The following PSMD11 variants were observed in gnomAD, a reference collection of about 807,000 sequenced individuals.
PSMD11 encodes proteasome 26S subunit, non-ATPase 11, also known as 26S proteasome non-ATPase regulatory subunit 11.
PSMD11 carries 5 observed loss-of-function variants against 62.3 expected under a neutral mutation model. The ratio of observed to expected loss-of-function variants is 0.08; its 90% confidence interval spans 0.04 to 0.17. The LOEUF (loss-of-function observed/expected upper bound fraction) is 0.17. Among genes scored for constraint, PSMD11 ranks in the 10% least tolerant of loss-of-function variants. The pLI is 1.00. For missense variants in PSMD11, 310 were observed against 512.9 expected (o/e 0.60, Z 3.82); for synonymous variants, 191 against 191.8 (o/e 1.00, Z 0.03).
chr17:32,464,226 C>T (rs937072773), intron 4 of PSMD11, 106 bp downstream of exon 4: 3 of 1,056,084 alleles, frequency 2.8e-6, no homozygotes, highest in Middle Eastern at 2.1e-4. Flanking sequence ...TTTGTAATTA[C>T]CTAGATACCG....
At chr17:32,469,257 G>A in intron 6 of PSMD11, 64 bp downstream of exon 6, 3 of 1,507,964 alleles carry the variant, frequency 2.0e-6, no homozygotes, top group African/African-American at 1.4e-5. Flanking sequence ...ATAGGTGGAA[G>A]GAATGGGGGT....
intron 1 of PSMD11, chr17:32,444,876 C>T (rs919984224): frequency 1.9e-6 from 1 of 527,648 alleles, no homozygotes; most frequent in Non-Finnish European, 3.3e-6. Flanking sequence ...GAGAGTGGGC[C>T]GAGCCGGGCC....
At chr17:32,445,090 T>C (rs1420336547) in intron 1 of PSMD11, 1 of 158,204 alleles carries the variant, frequency 6.3e-6, no homozygotes, top group African/African-American at 2.4e-5. Context: ...GAGCGCTTGC[T>C]CTTCTCTGGG....
intron 1 of PSMD11, 143 bp from the exon 2 acceptor site, chr17:32,446,802 G>C (rs1907344109): frequency 1.9e-6 from 1 of 538,162 alleles, no homozygotes; most frequent in Non-Finnish European, 3.2e-6. Context: ...TCCTGGCTTA[G>C]AGTTTTTTTT....
At chr17:32,450,439 T>TC (rs1907458775) in intron 2 of PSMD11, among the ~76,000 whole-genome samples, 1 of 149,926 alleles carries the variant, frequency 6.7e-6, no homozygotes, top group Non-Finnish European at 1.5e-5. Flanking sequence ...TTTTTTTTTT[T>TC]TTCTTTTAGT....
Position 32,469,052 on chromosome 17 carries a change from G to A in PSMD11, c.502G>A (p.Glu168Lys). 6.2e-7 allele frequency: 1 copy of A among 1,614,064 alleles called. No individual in the cohort carries two copies. The highest frequency in any genetic ancestry group is 1.3e-5 in the African/African-American group (1 of 75,018). Residue 168 changes from glutamate to lysine, a missense_variant, in exon 6 of 14, where the codon GAA (glutamate) becomes AAA (lysine). Physicochemically the swap from Glu to Lys is moderately conservative, Grantham distance 56. Transcript: ENST00000261712. ...GATGGACGACAAAGCTCTTTTGGTG[G>A]AAGTACAGCTTTTAGAAAGCAAAAC... ...KKMDDKALLV[E>K]VQLLESKTYH... is the part of the protein sequence containing the mutation.
At chr17:32,448,024 G>C (rs908190528) in intron 2 of PSMD11, among the ~76,000 whole-genome samples, 7 of 151,772 alleles carry the variant, frequency 4.6e-5, no homozygotes, top group African/African-American at 1.7e-4. Context: ...GGAATTACAG[G>C]CACGCGCCAC....
chr17:32,467,723 T>C (rs533452794), intron 5 of PSMD11, among the ~76,000 whole-genome samples: 1 of 152,354 alleles, frequency 6.6e-6, no homozygotes, highest in African/African-American at 2.4e-5. Flanking sequence ...GCAATCCTCC[T>C]GCCTCAGTCT....
intron 5 of PSMD11, among the ~76,000 whole-genome samples, chr17:32,467,666 C>G (rs998254869): frequency 6.6e-6 from 1 of 152,182 alleles, no homozygotes; most frequent in African/African-American, 2.4e-5. Flanking sequence ...GGATGGAGTA[C>G]AGTGGTGCAG....
intron 2 of PSMD11, among the ~76,000 whole-genome samples, chr17:32,454,078 A>G (rs1221395901): frequency 6.6e-6 from 1 of 152,202 alleles, no homozygotes; most frequent in Non-Finnish European, 1.5e-5. Flanking sequence ...TGGAAGTTAG[A>G]AAAAAATTAC....
At chr17:32,472,527 A>C (rs1908193759) in intron 6 of PSMD11, among the ~76,000 whole-genome samples, 1 of 148,852 alleles carries the variant, frequency 6.7e-6, no homozygotes, top group African/African-American at 2.5e-5. Flanking sequence ...GACGTGAGCC[A>C]CTGTGCCTGA....
chr17:32,465,469 A>G (rs1048012975), intron 5 of PSMD11, among the ~76,000 whole-genome samples: 1 of 152,112 alleles, frequency 6.6e-6, no homozygotes, highest in South Asian at 2.1e-4. Context: ...ACAAAAGAAC[A>G]TGGCTCTTAT....
At chr17:32,468,250 T>C (rs1235374019) in intron 5 of PSMD11, among the ~76,000 whole-genome samples, 3 of 152,128 alleles carry the variant, frequency 2.0e-5, no homozygotes, top group African/African-American at 7.2e-5. Flanking sequence ...CCTTACCAGA[T>C]ACATGATTTG....
rs566270742 is a variant in PSMD11, at chr17:32,455,664, C to A, written c.318+1045C>A. Reference sequence around the variant, plus strand: ...TCCTGATTTAAACACTATATACTAACTTTATTTGTAGAAAATTCATTTGTA... The same window carrying A: ...TCCTGATTTAAACACTATATACTAAATTTATTTGTAGAAAATTCATTTGTA... On this transcript the variant is annotated intron_variant, in intron 3 of 13. Transcript: ENST00000261712. 3.9e-5 allele frequency among the ~76,000 whole-genome samples: 6 copies of A among 152,222 alleles called. No individual in the cohort carries two copies. In the South Asian group the frequency reaches 1.2e-3, roughly 32 times the overall value.
chr17:32,455,544 A>G (rs929916757), intron 3 of PSMD11, among the ~76,000 whole-genome samples: 6 of 152,228 alleles, frequency 3.9e-5, no homozygotes, highest in Non-Finnish European at 8.8e-5. Context: ...CCATAGTAGC[A>G]TATTGAATAA....
At chr17:32,452,584 C>T (rs979192267) in intron 2 of PSMD11, among the ~76,000 whole-genome samples, 1 of 152,008 alleles carries the variant, frequency 6.6e-6, no homozygotes, top group Non-Finnish European at 1.5e-5. Flanking sequence ...AATTCAGTTG[C>T]GATAAGGATT....
At chr17:32,445,484 A>G (rs974342447) in intron 1 of PSMD11, 2 of 152,194 alleles carry the variant, frequency 1.3e-5, no homozygotes, top group African/African-American at 4.8e-5. Flanking sequence ...ACAACAGGAA[A>G]ACTGAAATGG....
intron 2 of PSMD11, among the ~76,000 whole-genome samples, chr17:32,452,203 A>G (rs1907526319): frequency 6.6e-6 from 1 of 152,212 alleles, no homozygotes; most frequent in Non-Finnish European, 1.5e-5. Context: ...TGTGAAGCCA[A>G]AAAAATTTAC....
In PSMD11 at chr17:32,481,755, C is replaced by T. The variant is rs540206870; in HGVS notation, c.*1003C>T. The T allele has an allele frequency of 4.6e-5, 7 of 152,140 alleles. No individual in the cohort carries two copies. The East Asian group carries it at 1.4e-3, about 29-fold the overall frequency. The allele number at this position is 152,140 out of a possible 1,614,324, so 9.4% of individuals were successfully genotyped here. On this transcript the variant is annotated 3_prime_UTR_variant, in exon 14 of 14. Transcript: ENST00000261712. ...CTCCTACTTTCAGATGGATTTATTC[C>T]TTTTTTAAACAATGAACATCGGAAA...
Sources: allele counts gnomAD v4.1 joint callset (sites outside exome capture counted in the v4.1 genomes callset), GRCh38; gene constraint gnomAD v4.1.1; transcripts MANE v1.5; gene names NCBI Gene and HGNC (gene_info 2026-07-23, HGNC 2026-07-21).